TSPAN9: variants seen among roughly 807,000 people sequenced by gnomAD.
TSPAN9 encodes the protein tetraspanin 9.
A neutral mutation model predicts 31.0 loss-of-function variants in TSPAN9; 16 were observed. The observed-to-expected ratio is 0.52, with a 90% CI of 0.35 to 0.78. TSPAN9 has a LOEUF of 0.78. Among genes scored for constraint, TSPAN9 ranks in the 30% least tolerant of loss-of-function variants. TSPAN9 has a pLI of 0.01. For missense variants in TSPAN9, 272 were observed against 312.5 expected, an observed-to-expected ratio of 0.87 and a Z score of 0.98; for synonymous variants, 145 against 121.6, an observed-to-expected ratio of 1.19 and a Z score of -1.27.
intron 2 of TSPAN9, among the ~76,000 whole-genome samples, chr12:3,105,954 C>T (rs1400748753): frequency 2.0e-5 from 3 of 152,150 alleles, no homozygotes; most frequent in Non-Finnish European, 2.9e-5. Context: ...GCCTCCCTTA[C>T]CCTCACGTGC....
Position 3,172,490 on chromosome 12 carries a change from A to T in TSPAN9, c.-17-28687A>T, listed in dbSNP as rs1285592236. 6.6e-6 allele frequency: 1 copy of T among 152,206 alleles called. No individual in the cohort carries two copies. Among genetic ancestry groups the T allele is most frequent in the African/African-American group, 2.4e-5 (1 of 41,444 alleles). The allele number at this position is 152,206 out of a possible 1,614,324, so 9.4% of individuals were successfully genotyped here. A position where few individuals can be genotyped will look rare whatever the true frequency, so the allele number is the denominator to read the frequency against. ...GCGCGAGCGGGTGCTCGTGTCACTC[A>T]CCGGGGGAACTTAAACGCCGCTTGC... On this transcript the variant is annotated intron_variant, in intron 2 of 8. Coordinates refer to ENST00000011898, the MANE Select transcript of TSPAN9 (RefSeq NM_006675.5). This position sits in a 1 kb window ranked among gnomAD's most constrained non-coding sequence, Gnocchi z 4.8.
intron 3 of TSPAN9, among the ~76,000 whole-genome samples, chr12:3,242,499 G>A (rs2098397087): frequency 6.6e-6 from 1 of 152,250 alleles, no homozygotes; most frequent in Non-Finnish European, 1.5e-5. Flanking sequence ...AGTGAGTTCT[G>A]AACAGAGCCC....
chr12:3,122,489 C>T (rs986815069), intron 2 of TSPAN9, among the ~76,000 whole-genome samples: 8 of 151,992 alleles, frequency 5.3e-5, no homozygotes, highest in Non-Finnish European at 1.0e-4. Context: ...AGGCTGGTCT[C>T]AAACTGGTCT....
At chr12:3,091,395 T>C (rs2098304507) in intron 2 of TSPAN9, among the ~76,000 whole-genome samples, 1 of 152,212 alleles carries the variant, frequency 6.6e-6, no homozygotes, top group Non-Finnish European at 1.5e-5. Context: ...CCTTAGTGGC[T>C]GTTCCCTTCC....
At chr12:3,157,121 A>G (rs1391648564) in intron 2 of TSPAN9, among the ~76,000 whole-genome samples, 1 of 143,918 alleles carries the variant, frequency 6.9e-6, no homozygotes, top group Non-Finnish European at 1.5e-5. Flanking sequence ...TTTTTTTGAG[A>G]CGGAGTCTCG....
chr12:3,081,312 C>G (rs1208521956), intron 1 of TSPAN9, among the ~76,000 whole-genome samples: 1 of 152,168 alleles, frequency 6.6e-6, no homozygotes, highest in Non-Finnish European at 1.5e-5. Flanking sequence ...TGGATCTAAT[C>G]CCGGTGCATT....
At chr12:3,081,170 C>T (rs1591617730) in intron 1 of TSPAN9, among the ~76,000 whole-genome samples, 4 of 152,174 alleles carry the variant, frequency 2.6e-5, no homozygotes, top group Non-Finnish European at 1.5e-5. Flanking sequence ...GTGCAGTAAA[C>T]GGTGGCTGTT....
intron 3 of TSPAN9, among the ~76,000 whole-genome samples, chr12:3,216,996 G>T (rs1468812944): frequency 6.6e-6 from 1 of 152,246 alleles, no homozygotes; most frequent in East Asian, 1.9e-4. Context: ...GCAGTTGGAG[G>T]AAGGGCTGGA....
intron 3 of TSPAN9, among the ~76,000 whole-genome samples, chr12:3,227,125 T>C (rs1449589968): frequency 6.6e-6 from 1 of 152,116 alleles, no homozygotes; most frequent in African/African-American, 2.4e-5. Context: ...GTGTTGTATC[T>C]GGCCCTCTGT....
intron 2 of TSPAN9, among the ~76,000 whole-genome samples, chr12:3,167,223 A>T (rs1359505708): frequency 6.6e-6 from 1 of 152,156 alleles, no homozygotes; most frequent in Non-Finnish European, 1.5e-5. Flanking sequence ...TTCATTGATG[A>T]TCTCTCACTA....
chr12:3,283,074 C>T lies in TSPAN9; in HGVS notation c.678C>T (p.Leu226=), dbSNP rs776480467. The T allele has an allele frequency of 1.9e-6, 3 of 1,609,666 alleles. No individual in the cohort carries two copies. Among genetic ancestry groups the T allele is most frequent in the South Asian group, 1.1e-5 (1 of 91,076 alleles). The change falls in exon 9 of 9, where the codon CTC becomes CTT. Residue 226 remains leucine (L), a synonymous_variant. Transcript: ENST00000011898. ...QILGMAFSMT[L]FQHIHRTGKK... is the part of the protein sequence containing the mutation. ...TGGGCATGGCCTTCTCCATGACCCT[C>T]TTCCAGCACATCCACCGGACTGGTA... is the stretch of plus-strand genomic sequence containing the variant.
chr12:3,206,394 T>A (rs1485359337), intron 3 of TSPAN9: 3 of 455,868 alleles, frequency 6.6e-6, no homozygotes, highest in Non-Finnish European at 1.3e-5. Flanking sequence ...GCTGAGCATT[T>A]GAACACAGGG....
At chr12:3,183,784 G>A (rs1392099476) in intron 2 of TSPAN9, among the ~76,000 whole-genome samples, 3 of 152,200 alleles carry the variant, frequency 2.0e-5, no homozygotes, top group Non-Finnish European at 4.4e-5. Context: ...TGGACTAGAT[G>A]TATGAAGACC....
intron 2 of TSPAN9, among the ~76,000 whole-genome samples, chr12:3,128,744 A>G (rs2098328438): frequency 6.6e-6 from 1 of 152,186 alleles, no homozygotes; most frequent in African/African-American, 2.4e-5. Context: ...TCACATCACC[A>G]TCATTATATT....
At position 3,107,893 on chromosome 12, in the gene TSPAN9, C is replaced by A. The variant is rs2098315456; in HGVS notation, c.-18+24174C>A. Among the ~76,000 whole-genome samples, 1 of 152,180 alleles carries A rather than the reference C, an allele frequency of 6.6e-6. No individual in the cohort carries two copies. The highest frequency in any genetic ancestry group is 2.1e-4 in the South Asian group (1 of 4,832). On this transcript the variant is annotated intron_variant, in intron 2 of 8. Coordinates refer to ENST00000011898, the MANE Select transcript of TSPAN9 (RefSeq NM_006675.5). This position sits in a 1 kb window ranked among gnomAD's most constrained non-coding sequence, Gnocchi z 4.1. The stretch of plus-strand genomic sequence containing the variant: ...CTCTGTCCAGGCCCCCAAGCCTTTG[C>A]ACATATTCCTGCTCCCTGGACCAAC...
At chr12:3,189,890 C>G (rs1304060539) in intron 2 of TSPAN9, among the ~76,000 whole-genome samples, 1 of 152,154 alleles carries the variant, frequency 6.6e-6, no homozygotes, top group African/African-American at 2.4e-5. Context: ...ACTTAATGCA[C>G]TGCGGGCCTT....
In TSPAN9 at chr12:3,278,573, C is replaced by T. The variant is rs1401304246; in HGVS notation, c.216C>T (p.Cys72=). ...TCATGGTGACGGGCTTCCTCGGCTG[C>T]CTGGGGGCCATCAAGGAAAACAAGT... The part of the protein sequence containing the change: ...TIVMVTGFLG[C]LGAIKENKCL... Residue 72 remains cysteine (C), a synonymous_variant, in exon 4 of 9, where the codon TGC becomes TGT. Coordinates refer to ENST00000011898, the MANE Select transcript of TSPAN9 (RefSeq NM_006675.5). 3.0e-5 allele frequency: 49 copies of T among 1,614,030 alleles called. No individual in the cohort carries two copies. The Admixed American group carries it at 6.5e-4, about 21-fold the overall frequency.
At chr12:3,127,396 C>T (rs1255595836) in intron 2 of TSPAN9, among the ~76,000 whole-genome samples, 2 of 151,674 alleles carry the variant, frequency 1.3e-5, no homozygotes, top group East Asian at 3.9e-4. Context: ...TGCACTCTTG[C>T]CCAGGCTGGA....
chr12:3,100,943 A>G (rs996371561), intron 2 of TSPAN9, among the ~76,000 whole-genome samples: 3 of 152,218 alleles, frequency 2.0e-5, no homozygotes, highest in Non-Finnish European at 4.4e-5. Flanking sequence ...ATATAAGTGA[A>G]CCATGCTTCA....
Sources: gnomAD v4.1 joint callset for allele counts (sites outside exome capture counted in the v4.1 genomes callset) on GRCh38, gnomAD v4.1.1 for gene constraint, Gnocchi (gnomAD v3.1) non-coding constraint, MANE v1.5 for transcripts, NCBI Gene and HGNC (gene_info 2026-07-23, HGNC 2026-07-21) for gene names.